The following IMMP2L variants were observed in gnomAD, a reference collection of about 807,000 sequenced individuals.
The protein encoded by IMMP2L is mitochondrial inner membrane protease subunit 2.
In IMMP2L, 18 loss-of-function variants were observed where a neutral mutation model predicts 19.3. That is an observed-to-expected ratio of 0.93 (90% confidence interval 0.64 to 1.38). The LOEUF (loss-of-function observed/expected upper bound fraction) is 1.38, where lower values mean the gene tolerates loss of function less well. Ranked by LOEUF, IMMP2L falls within the 40% of genes most tolerant of loss-of-function variation. IMMP2L has a pLI of 0.00. For missense variants in IMMP2L, 233 were observed against 218.2 expected, an observed-to-expected ratio of 1.07 and a Z score of -0.43; for synonymous variants, 76 against 73.0, an observed-to-expected ratio of 1.04 and a Z score of -0.21.
intron 5 of IMMP2L, among the ~76,000 whole-genome samples, chr7:110,823,835 C>A (rs1473637250): frequency 2.0e-5 from 3 of 152,092 alleles, no homozygotes; most frequent in African/African-American, 7.2e-5. Flanking sequence ...TAAAGAACTA[C>A]TCTCAAAACA....
chr7:111,361,847 A>G (rs1314810962), intron 3 of IMMP2L, among the ~76,000 whole-genome samples: 1 of 152,104 alleles, frequency 6.6e-6, no homozygotes, highest in African/African-American at 2.4e-5. Flanking sequence ...TTTCTCATCT[A>G]CATTTTACAA....
intron 5 of IMMP2L, among the ~76,000 whole-genome samples, chr7:110,705,857 C>T (rs954505482): frequency 1.3e-5 from 2 of 152,024 alleles, no homozygotes; most frequent in Non-Finnish European, 2.9e-5. Flanking sequence ...AGAATAATGG[C>T]CTCCAGCTGC....
chr7:110,881,858 A>T (rs1425862739), intron 5 of IMMP2L, among the ~76,000 whole-genome samples: 2 of 152,210 alleles, frequency 1.3e-5, no homozygotes, highest in African/African-American at 4.8e-5. Context: ...AGAGTGCTTT[A>T]TGTAATGCAG....
intron 3 of IMMP2L, among the ~76,000 whole-genome samples, chr7:111,414,406 G>T (rs1834762965): frequency 6.6e-6 from 1 of 151,908 alleles, no homozygotes; most frequent in South Asian, 2.1e-4. Context: ...ACTGCTGAAA[G>T]AAGCCAGTAT....
intron 5 of IMMP2L, among the ~76,000 whole-genome samples, chr7:110,774,524 G>T (rs1039514086): frequency 6.6e-6 from 1 of 152,036 alleles, no homozygotes; most frequent in African/African-American, 2.4e-5. Flanking sequence ...ATCTTAGGAA[G>T]TTCAATTTAA....
intron 3 of IMMP2L, among the ~76,000 whole-genome samples, chr7:111,346,103 A>G (rs2130836404): frequency 6.6e-6 from 1 of 152,328 alleles, no homozygotes; most frequent in East Asian, 1.9e-4. Context: ...TTCAATGATC[A>G]AAGACAAATA....
chr7:111,349,351 T>C (rs929736246), intron 3 of IMMP2L, among the ~76,000 whole-genome samples: 1 of 152,126 alleles, frequency 6.6e-6, no homozygotes, highest in African/African-American at 2.4e-5. Context: ...GAAACATTGT[T>C]TCCACTCCCC....
intron 3 of IMMP2L, among the ~76,000 whole-genome samples, chr7:111,041,739 GC>G (rs1791918189): frequency 6.6e-6 from 1 of 151,954 alleles, no homozygotes; most frequent in South Asian, 2.1e-4. Context: ...TTTGTTTTCA[GC>G]CCAGGGCTTT....
intron 3 of IMMP2L, among the ~76,000 whole-genome samples, chr7:111,421,644 C>T (rs1354409670): frequency 6.6e-6 from 1 of 151,622 alleles, no homozygotes; most frequent in African/African-American, 2.4e-5. Context: ...GGGTAGATTG[C>T]AAAAATTTTC....
At chr7:110,666,249 A>G (rs1791444085) in intron 5 of IMMP2L, among the ~76,000 whole-genome samples, 2 of 149,752 alleles carry the variant, frequency 1.3e-5, no homozygotes, top group East Asian at 2.0e-4. Context: ...ACATTTCTTT[A>G]AAGTGCCTTG....
chr7:111,363,474 A>G (rs1584803248), intron 3 of IMMP2L, among the ~76,000 whole-genome samples: 1 of 152,222 alleles, frequency 6.6e-6, no homozygotes, highest in Middle Eastern at 3.4e-3. Flanking sequence ...TGATCATAAT[A>G]AAGTAACCCT....
In IMMP2L at chr7:111,281,210, GAAAGAAAAAGAA is replaced by G. The variant is rs879883901; in HGVS notation, c.239+206016_239+206027del. 1.8e-4 allele frequency among the ~76,000 whole-genome samples: 8 copies of G among 45,136 alleles called. 2 individuals carry two copies. The East Asian group carries it at 3.9e-3, about 22-fold the overall frequency. 29.6% of individuals were successfully genotyped at this position (45,136 alleles called of 152,430 possible). A position where few individuals can be genotyped will look rare whatever the true frequency, so the allele number is the denominator to read the frequency against. The stretch of plus-strand genomic sequence containing the variant: ...AGAAAGAAAGAAAGAAAGAAAGAAA[GAAAGAAAAAGAA>G]AGAAAGAAAGAAAGAAAGAAAGAAG... On this transcript the variant is annotated intron_variant, in intron 3 of 5. Coordinates refer to ENST00000405709, the MANE Select transcript of IMMP2L (RefSeq NM_032549.4).
chr7:111,231,784 TA>T (rs1197182558), intron 3 of IMMP2L, among the ~76,000 whole-genome samples: 1 of 152,072 alleles, frequency 6.6e-6, no homozygotes, highest in East Asian at 1.9e-4. Context: ...ATAATCTTCA[TA>T]AAAAACTCTA....
intron 5 of IMMP2L, among the ~76,000 whole-genome samples, chr7:110,691,554 T>C (rs1315728713): frequency 6.6e-6 from 1 of 151,952 alleles, no homozygotes; most frequent in Non-Finnish European, 1.5e-5. Context: ...ATTTGCGAAC[T>C]ACACATCTGA....
At chr7:111,474,411 C>T (rs1055815756) in intron 3 of IMMP2L, among the ~76,000 whole-genome samples, 2 of 152,052 alleles carry the variant, frequency 1.3e-5, no homozygotes, top group Non-Finnish European at 2.9e-5. Flanking sequence ...AAAAACATCA[C>T]TTCTCCCATT....
intron 3 of IMMP2L, among the ~76,000 whole-genome samples, chr7:110,998,855 A>T (rs1233529920): frequency 6.6e-6 from 1 of 152,318 alleles, no homozygotes; most frequent in Non-Finnish European, 1.5e-5. Context: ...GAGAGGATAT[A>T]GGATCACAGC....
chr7:111,298,683 G>A (rs1013817950), intron 3 of IMMP2L, among the ~76,000 whole-genome samples: 2 of 151,650 alleles, frequency 1.3e-5, no homozygotes, highest in South Asian at 2.1e-4. Context: ...TTGAACCAGG[G>A]AGGCATAGGT....
At chr7:110,865,787 T>C (rs1467635104) in intron 5 of IMMP2L, among the ~76,000 whole-genome samples, 1 of 152,042 alleles carries the variant, frequency 6.6e-6, no homozygotes, top group East Asian at 1.9e-4. Context: ...TTTAACCTGA[T>C]TTCAGCTCCA....
intron 5 of IMMP2L, among the ~76,000 whole-genome samples, chr7:110,770,953 T>C: frequency 6.6e-6 from 1 of 152,092 alleles, no homozygotes; most frequent in Admixed American, 6.6e-5. Flanking sequence ...TACATAGCAC[T>C]TGCTCTGTGG....
Sources: gnomAD v4.1 joint callset for allele counts (sites outside exome capture counted in the v4.1 genomes callset) on GRCh38, gnomAD v4.1.1 for gene constraint, MANE v1.5 for transcripts, NCBI Gene and HGNC (gene_info 2026-07-23, HGNC 2026-07-21) for gene names.